DYDC2: variants seen among roughly 807,000 people sequenced by gnomAD.
The protein encoded by DYDC2 is DPY30 domain containing 2.
Under a neutral mutation model 18.7 loss-of-function variants are expected in DYDC2, and 19 were observed. The ratio of observed to expected loss-of-function variants is 1.02; its 90% confidence interval spans 0.71 to 1.49. DYDC2 has a LOEUF of 1.49. Among genes scored for constraint, DYDC2 ranks in the 40% most tolerant of loss-of-function variants. DYDC2 has a pLI of 0.00. For missense variants in DYDC2, 179 were observed against 205.1 expected, an observed-to-expected ratio of 0.87 and a Z score of 0.78; for synonymous variants, 63 against 67.6, an observed-to-expected ratio of 0.93 and a Z score of 0.34.
Position 80,367,078 on chromosome 10 carries a change from C to G in DYDC2, c.*127C>G. On this transcript the variant is annotated 3_prime_UTR_variant, in exon 5 of 5. Coordinates refer to ENST00000256039, the MANE Select transcript of DYDC2 (RefSeq NM_032372.6). ...AGGGACTCTCCAGCCTACTCCTTTTCTGAAAAACCCTTAATCATGTGAACA... is the reference window on the plus strand; with the variant it reads ...AGGGACTCTCCAGCCTACTCCTTTTGTGAAAAACCCTTAATCATGTGAACA... 9.0e-7 allele frequency: 1 copy of G among 1,115,492 alleles called. No homozygotes were observed. 69.1% of individuals were successfully genotyped at this position (1,115,492 alleles called of 1,614,324 possible). A position where few individuals can be genotyped will look rare whatever the true frequency, so the allele number is the denominator to read the frequency against.
chr10:80,358,045 G>A lies in DYDC2; in HGVS notation c.-10G>A. ...CTGAAAAATAGCCTCTCCCCCCATT[G>A]GTGAGTGTACCCTAAGTTGGTCTGA... On this transcript the variant is annotated splice_region_variant and 5_prime_UTR_variant, in exon 2 of 5. Transcript: ENST00000256039. The A allele has an allele frequency of 1.0e-6, 1 of 985,512 alleles. No individual in the cohort carries two copies. The highest frequency in any genetic ancestry group is 1.2e-6 in the Non-Finnish European group (1 of 830,062). 61.0% of individuals were successfully genotyped at this position (985,512 alleles called of 1,614,324 possible).
intron 2 of DYDC2, among the ~76,000 whole-genome samples, chr10:80,360,402 C>T (rs973328586): frequency 3.3e-5 from 5 of 152,216 alleles, no homozygotes; most frequent in African/African-American, 1.2e-4. Flanking sequence ...TCTGTCATCA[C>T]CTTCCCTGTC....
At chr10:80,349,347 T>C (rs112817804) in intron 1 of DYDC2, among the ~76,000 whole-genome samples, 6 of 152,354 alleles carry the variant, frequency 3.9e-5, no homozygotes, top group African/African-American at 1.4e-4. Context: ...TTGAATTTCA[T>C]CAATAAAACA....
rs1019278884 is a variant in DYDC2, at chr10:80,358,061, G to A, written c.-10+16G>A. ...CCCCCCATTGGTGAGTGTACCCTAA[G>A]TTGGTCTGAGTGGGCTTTAAAAGGC... On this transcript the variant is annotated intron_variant, in intron 2 of 4. Transcript: ENST00000256039. The A allele has an allele frequency of 3.8e-5, 37 of 985,514 alleles. No homozygotes were observed. In the South Asian group the frequency reaches 1.6e-3, roughly 44 times the overall value. The allele number at this position is 985,514 out of a possible 1,614,324, so 61.0% of individuals were successfully genotyped here.
upstream of DYDC2, among the ~76,000 whole-genome samples, chr10:80,353,706 C>T (rs1050131848): frequency 6.6e-6 from 1 of 151,682 alleles, no homozygotes; most frequent in Non-Finnish European, 1.5e-5. Context: ...CTGAACTGTG[C>T]ACTTACTCTG....
chr10:80,361,642 C>A (rs919940243), intron 2 of DYDC2, among the ~76,000 whole-genome samples: 2 of 152,140 alleles, frequency 1.3e-5, no homozygotes, highest in Non-Finnish European at 2.9e-5. Context: ...TTTGCCTTCT[C>A]CCTTCTTAAT....
chr10:80,347,607 T>A (rs1214304100), intron 1 of DYDC2, among the ~76,000 whole-genome samples: 1 of 152,232 alleles, frequency 6.6e-6, no homozygotes, highest in African/African-American at 2.4e-5. Context: ...AGGTCTTTAA[T>A]CTATTTTGAA....
intron 4 of DYDC2, among the ~76,000 whole-genome samples, chr10:80,363,334 CTGTTTTT>C (rs140019241): frequency 9.6e-6 from 1 of 103,724 alleles, no homozygotes; most frequent in African/African-American, 3.7e-5. Flanking sequence ...TAAAAAAAAT[CTGTTTTT>C]TTTTTTTTTT....
chr10:80,357,596 G>C (rs1301481928), intron 1 of DYDC2, among the ~76,000 whole-genome samples: 1 of 152,096 alleles, frequency 6.6e-6, no homozygotes, highest in African/African-American at 2.4e-5. Context: ...CTTTGCTCTT[G>C]CTGGTGACCT....
upstream of DYDC2, chr10:80,356,482 T>G: frequency 1.0e-6 from 1 of 985,276 alleles, no homozygotes; most frequent in Non-Finnish European, 1.2e-6. Flanking sequence ...CCCGGGAGTC[T>G]GGAAGGGTCT....
chr10:80,353,442 G>A (rs1050584584), upstream of DYDC2, among the ~76,000 whole-genome samples: 7 of 149,434 alleles, frequency 4.7e-5, no homozygotes, highest in African/African-American at 1.2e-4. Context: ...GATTACAGGC[G>A]TGAGCCACCG....
At chr10:80,347,088 A>G (rs1278960323) in intron 1 of DYDC2, among the ~76,000 whole-genome samples, 2 of 120,460 alleles carry the variant, frequency 1.7e-5, no homozygotes, top group Non-Finnish European at 1.7e-5. Flanking sequence ...TCCGAAAAAG[A>G]AAAAAAAAAA....
At chr10:80,353,963 C>G (rs990714850), upstream of DYDC2, among the ~76,000 whole-genome samples, 1 of 151,754 alleles carries the variant, frequency 6.6e-6, no homozygotes, top group African/African-American at 2.4e-5. Context: ...AAAATACAAA[C>G]AAATTAGCTG....
At chr10:80,352,287 T>C (rs1843041825), upstream of DYDC2, 2 of 1,047,232 alleles carry the variant, frequency 1.9e-6, no homozygotes, top group Non-Finnish European at 2.6e-6. Context: ...TAAATAGAAG[T>C]CTTCTTTGGG....
At chr10:80,348,604 G>A (rs1036097874) in intron 1 of DYDC2, among the ~76,000 whole-genome samples, 1 of 152,172 alleles carries the variant, frequency 6.6e-6, no homozygotes, top group Non-Finnish European at 1.5e-5. Context: ...TGTTTGTAAG[G>A]CCTCAACGTA....
At chr10:80,348,978 G>C (rs1842827121) in intron 1 of DYDC2, among the ~76,000 whole-genome samples, 1 of 152,002 alleles carries the variant, frequency 6.6e-6, no homozygotes, top group African/African-American at 2.4e-5. Context: ...TGCAAGCTCC[G>C]CCTCCTGGGT....
chr10:80,358,969 C>T (rs1006726487), intron 2 of DYDC2, among the ~76,000 whole-genome samples: 1 of 152,226 alleles, frequency 6.6e-6, no homozygotes, highest in Non-Finnish European at 1.5e-5. Context: ...CTCATAAAGG[C>T]AGTGCAGACC....
chr10:80,363,954 T>C (rs554408732), intron 4 of DYDC2, among the ~76,000 whole-genome samples: 2 of 152,196 alleles, frequency 1.3e-5, no homozygotes, highest in African/African-American at 4.8e-5. Flanking sequence ...CTCCCACAGT[T>C]TTTTTCACAA....
upstream of DYDC2, among the ~76,000 whole-genome samples, chr10:80,352,909 G>A (rs372798948): frequency 4.3e-4 from 65 of 152,194 alleles, no homozygotes; most frequent in Middle Eastern, 0.01. Flanking sequence ...AAGTAATGTG[G>A]GTCTCATGTA....
Sources: allele counts gnomAD v4.1 joint callset (sites outside exome capture counted in the v4.1 genomes callset), GRCh38; gene constraint gnomAD v4.1.1; transcripts MANE v1.5; gene names NCBI Gene and HGNC (gene_info 2026-07-23, HGNC 2026-07-21).